The following TBXAS1 variants were observed in gnomAD, a reference collection of about 807,000 sequenced individuals.
TBXAS1 encodes thromboxane A synthase 1.
TBXAS1 carries 48 observed loss-of-function variants against 60.7 expected under a neutral mutation model. The ratio of observed to expected loss-of-function variants is 0.79; its 90% CI spans 0.63 to 1.01. TBXAS1 has a LOEUF of 1.01. Among genes scored for constraint, TBXAS1 ranks in the 50% least tolerant of loss-of-function variants. TBXAS1 has a pLI of 0.00. For synonymous variants in TBXAS1, 287 were observed against 269.7 expected, an observed-to-expected ratio of 1.06 and a Z score of -0.63; for missense variants, 685 against 686.3, an observed-to-expected ratio of 1.00 and a Z score of 0.02.
At chr7:139,952,770 G>A in intron 5 of TBXAS1, 1 of 1,374,380 alleles carries the variant, frequency 7.3e-7, no homozygotes, top group African/African-American at 1.5e-5. Context: ...GGGCATAGGA[G>A]GCATCTTGAA....
intron 12 of TBXAS1, 137 bp from the exon 13 acceptor site, chr7:140,019,888 G>C: frequency 2.5e-6 from 2 of 802,236 alleles, no homozygotes; most frequent in Non-Finnish European, 4.2e-6. Context: ...TGAAAGATAG[G>C]TTTGGGGCTT....
Position 139,840,001 on chromosome 7 carries a change from A to AG in TBXAS1, c.89+10522_89+10523insG, listed in dbSNP as rs1446505723. Among the ~76,000 whole-genome samples, 9 of 151,874 alleles carry AG rather than the reference A, an allele frequency of 5.9e-5. No individual in the cohort carries two copies. The East Asian group carries it at 1.4e-3, about 23-fold the overall frequency. On this transcript the variant is annotated intron_variant, in intron 1 of 12. Coordinates refer to ENST00000448866, the MANE Select transcript of TBXAS1 (RefSeq NM_001061.7). Reference sequence around the variant, plus strand: ...CTCTGTCTCAAAAAAAAAAAAAAAAAAGAGATTTCAGATAGAGAGTGAGTT... The same window carrying AG: ...CTCTGTCTCAAAAAAAAAAAAAAAAAGAGAGATTTCAGATAGAGAGTGAGTT...
At chr7:139,857,753 C>G (rs1471529043) in intron 1 of TBXAS1, among the ~76,000 whole-genome samples, 1 of 147,700 alleles carries the variant, frequency 6.8e-6, no homozygotes, top group Non-Finnish European at 1.5e-5. Context: ...TTTTAAGAGA[C>G]AGGGTCTCTC....
At chr7:139,941,644 A>AT (rs1456405340) in intron 5 of TBXAS1, among the ~76,000 whole-genome samples, 1 of 152,168 alleles carries the variant, frequency 6.6e-6, no homozygotes, top group African/African-American at 2.4e-5. Context: ...GTTAGGGAAG[A>AT]TTTTGTCTGC....
Position 139,852,232 on chromosome 7 carries a change from A to G in TBXAS1, c.90-20003A>G, listed in dbSNP as rs1800267104. 6.6e-6 allele frequency among the ~76,000 whole-genome samples: 1 copy of G among 152,192 alleles called. No homozygotes were observed. Among genetic ancestry groups the G allele is most frequent in the Admixed American group, 6.5e-5 (1 of 15,272 alleles). ...ATTTGTGACACAGCAGTAGATAACT[A>G]ATATAGGTGCTGAGATAGGAATGGC... On this transcript the variant is annotated intron_variant, in intron 1 of 12. Coordinates refer to ENST00000448866, the MANE Select transcript of TBXAS1 (RefSeq NM_001061.7). The surrounding 1 kb of genome is among the most constrained non-coding windows in gnomAD (Gnocchi z 4.4).
chr7:139,937,692 A>G (rs983255822), intron 5 of TBXAS1, among the ~76,000 whole-genome samples: 3 of 152,154 alleles, frequency 2.0e-5, no homozygotes, highest in Admixed American at 2.0e-4. Flanking sequence ...CATTTTACAG[A>G]GGAGGAAACT....
chr7:139,814,964 A>G (rs1000053716), intron 4 of TBXAS1, among the ~76,000 whole-genome samples: 4 of 151,988 alleles, frequency 2.6e-5, no homozygotes, highest in South Asian at 4.2e-4. Context: ...TGTGCCTTTC[A>G]CCTTAAGGGT....
chr7:139,901,802 G>A (rs1804603862), intron 3 of TBXAS1, among the ~76,000 whole-genome samples: 1 of 152,004 alleles, frequency 6.6e-6, no homozygotes, highest in East Asian at 1.9e-4. Flanking sequence ...TATGGAAAGA[G>A]TCCTCTTGCA....
At chr7:140,012,343 G>A (rs796815903) in intron 10 of TBXAS1, among the ~76,000 whole-genome samples, 19 of 152,350 alleles carry the variant, frequency 1.2e-4, no homozygotes, top group African/African-American at 4.6e-4. Flanking sequence ...AAGTAGTTGG[G>A]AAGGGGGTGG....
At chr7:139,892,650 C>A (rs995636079) in intron 3 of TBXAS1, among the ~76,000 whole-genome samples, 1 of 152,108 alleles carries the variant, frequency 6.6e-6, no homozygotes, top group African/African-American at 2.4e-5. Flanking sequence ...AAAACTTGAG[C>A]ACCTACCTAT....
At chr7:139,783,013 CAG>C (rs1420156723) in intron 3 of TBXAS1, among the ~76,000 whole-genome samples, 1 of 152,118 alleles carries the variant, frequency 6.6e-6, no homozygotes, top group Non-Finnish European at 1.5e-5. Context: ...CAGTTTGTAA[CAG>C]AGTAGTATTT....
intron 4 of TBXAS1, among the ~76,000 whole-genome samples, chr7:139,819,651 C>T (rs184077918): frequency 1.2e-4 from 18 of 152,154 alleles, no homozygotes; most frequent in East Asian, 1.9e-4. Context: ...TACAGGTGCA[C>T]GCCACCATGC....
intron 2 of TBXAS1, among the ~76,000 whole-genome samples, chr7:139,782,164 C>G (rs1485093031): frequency 2.0e-5 from 3 of 150,502 alleles, no homozygotes; most frequent in Non-Finnish European, 4.4e-5. Flanking sequence ...CATTAGCAGT[C>G]AGTGTTCTAA....
Position 139,982,264 on chromosome 7 carries a change from C to T in TBXAS1, c.1134+20031C>T, listed in dbSNP as rs2299900. Among the ~76,000 whole-genome samples the T allele has an allele frequency of 9.3e-3, 1,411 of 152,282 alleles. 64 individuals are homozygous for T. Among genetic ancestry groups the T allele is most frequent in the Admixed American group, 0.083 (1,264 of 15,296 alleles). Reference sequence around the variant, plus strand: ...TATTTTTATTTGATAAATCAGGCAACTCTGTATTTCATAAGCAGTTTAACC... The same window carrying T: ...TATTTTTATTTGATAAATCAGGCAATTCTGTATTTCATAAGCAGTTTAACC... On this transcript the variant is annotated intron_variant, in intron 9 of 12. Coordinates refer to ENST00000448866, the MANE Select transcript of TBXAS1 (RefSeq NM_001061.7).
chr7:139,933,845 GT>G (rs879720722), intron 4 of TBXAS1, among the ~76,000 whole-genome samples: 7,068 of 152,170 alleles, frequency 0.046, 311 homozygotes, highest in African/African-American at 0.11. Context: ...CCAACCGCCT[GT>G]CTCCCCACAC....
At chr7:139,867,178 C>T (rs749725802) in intron 1 of TBXAS1, among the ~76,000 whole-genome samples, 1 of 152,040 alleles carries the variant, frequency 6.6e-6, no homozygotes, top group East Asian at 1.9e-4. Context: ...TTCACCTGTT[C>T]TTGGAGCATC....
chr7:139,913,154 C>G lies in TBXAS1; in HGVS notation c.333+1833C>G, dbSNP rs554959089. On this transcript the variant is annotated intron_variant, in intron 4 of 12. Transcript: ENST00000448866. Reference sequence around the variant, plus strand: ...GGCGGCTGGCCTGCTACCTCCATCCCTTCAGGATGGCCGAAGGAATTGCAG... The same window carrying G: ...GGCGGCTGGCCTGCTACCTCCATCCGTTCAGGATGGCCGAAGGAATTGCAG... 11 of 702,716 alleles carry G rather than the reference C, an allele frequency of 1.6e-5. No homozygotes were observed. The Admixed American group carries it at 1.8e-4, about 11-fold the overall frequency. The allele number at this position is 702,716 out of a possible 1,614,324, so 43.5% of individuals were successfully genotyped here. A position where few individuals can be genotyped will look rare whatever the true frequency, so the allele number is the denominator to read the frequency against.
At chr7:139,971,739 C>T (rs1290404804) in intron 9 of TBXAS1, among the ~76,000 whole-genome samples, 1 of 152,192 alleles carries the variant, frequency 6.6e-6, no homozygotes, top group East Asian at 1.9e-4. Context: ...CAACCAGGAG[C>T]TTAGAGACCG....
rs561338558 is a variant in TBXAS1 at position 140,018,543 on chromosome 7, T to C, written c.1527+710T>C. The stretch of plus-strand genomic sequence containing the variant: ...CTCCTGAAATGGGGCCTCACCCACT[T>C]TTCCAGCCCTATCTCCCCCCCACAT... On this transcript the variant is annotated intron_variant, in intron 12 of 12. Coordinates refer to ENST00000448866, the MANE Select transcript of TBXAS1 (RefSeq NM_001061.7). 9.2e-5 allele frequency among the ~76,000 whole-genome samples: 14 copies of C among 152,206 alleles called. No individual in the cohort carries two copies. The South Asian group carries it at 2.9e-3, about 32-fold the overall frequency.
Sources: gnomAD v4.1 joint callset for allele counts (sites outside exome capture counted in the v4.1 genomes callset) on GRCh38, gnomAD v4.1.1 for gene constraint, Gnocchi (gnomAD v3.1) non-coding constraint, MANE v1.5 for transcripts, NCBI Gene and HGNC (gene_info 2026-07-23, HGNC 2026-07-21) for gene names.